The following PBX1 variants were observed in gnomAD, a reference collection of about 807,000 sequenced individuals.
PBX1 encodes the protein pre-B-cell leukemia transcription factor 1.
PBX1 carries 6 observed loss-of-function variants against 53.4 expected under a neutral mutation model. The observed-to-expected ratio is 0.11, with a 90% CI of 0.06 to 0.22. The LOEUF (loss-of-function observed/expected upper bound fraction) is 0.22. Ranked by LOEUF, PBX1 falls within the 10% of genes least tolerant of loss-of-function variation. The probability of loss-of-function intolerance (pLI) is 1.00; values close to 1 mark genes in which losing one functional copy is unlikely to be tolerated. For synonymous variants in PBX1, 204 were observed against 212.3 expected (o/e 0.96, Z 0.34); for missense variants, 251 against 551.4 (o/e 0.46, Z 5.46).
chr1:164,736,520 G>T (rs1464098372), intron 2 of PBX1, among the ~76,000 whole-genome samples: 2 of 151,922 alleles, frequency 1.3e-5, no homozygotes, highest in Non-Finnish European at 2.9e-5. Flanking sequence ...TTTTCTCTGA[G>T]AAAAATTCAT....
intron 3 of PBX1, among the ~76,000 whole-genome samples, chr1:164,799,144 A>G (rs576712702): frequency 5.7e-4 from 87 of 152,020 alleles, no homozygotes; most frequent in Non-Finnish European, 9.6e-4. Flanking sequence ...AAATCATGGG[A>G]AAAAAAAGAT....
chr1:164,668,576 C>T (rs1660943491), intron 2 of PBX1, among the ~76,000 whole-genome samples: 2 of 151,946 alleles, frequency 1.3e-5, no homozygotes, highest in South Asian at 2.1e-4. Flanking sequence ...CTGCCAAAAT[C>T]ACTTGGCCAC....
intron 2 of PBX1, among the ~76,000 whole-genome samples, chr1:164,791,935 C>T (rs1448994467): frequency 6.6e-6 from 1 of 152,048 alleles, no homozygotes; most frequent in African/African-American, 2.4e-5. Context: ...AGGGATTCCC[C>T]TGCCTCAGCC....
chr1:164,806,471 G>T (rs1402247355), intron 4 of PBX1, among the ~76,000 whole-genome samples: 1 of 152,148 alleles, frequency 6.6e-6, no homozygotes, highest in Non-Finnish European at 1.5e-5. Context: ...CTCTTCCCCA[G>T]ATGCCTTTTA....
chr1:164,705,001 C>G (rs1483017669), intron 2 of PBX1, among the ~76,000 whole-genome samples: 1 of 152,208 alleles, frequency 6.6e-6, no homozygotes, highest in Non-Finnish European at 1.5e-5. Flanking sequence ...TGAGGGAAAT[C>G]ATTTGAGAAA....
intron 2 of PBX1, among the ~76,000 whole-genome samples, chr1:164,664,743 A>G (rs112994305): frequency 0.052 from 7,970 of 152,288 alleles, 221 homozygotes; most frequent in Middle Eastern, 0.099. Context: ...GAAGGCAAGG[A>G]GGAGCAAGTC....
rs140401090 is a variant in PBX1, at chr1:164,571,181, T to C, written c.265+7870T>C. Among the ~76,000 whole-genome samples the C allele has an allele frequency of 7.2e-3, 1,099 of 152,372 alleles. 22 individuals carry two copies. The highest frequency in any genetic ancestry group is 0.025 in the African/African-American group (1,033 of 41,590). On this transcript the variant is annotated intron_variant, in intron 2 of 8. Coordinates refer to ENST00000420696, the MANE Select transcript of PBX1 (RefSeq NM_002585.4). ...TTATTTTTATAGCTTTCTTGAAATA[T>C]ATTTCTAACACCATGAAATTCACCC...
At chr1:164,776,978 A>AGATGGGGGGTGTGGGGGGGATG (rs1553244687) in intron 2 of PBX1, among the ~76,000 whole-genome samples, 1 of 46,444 alleles carries the variant, frequency 2.2e-5, no homozygotes, top group South Asian at 9.2e-4. Flanking sequence ...AGAGAGAGAG[A>AGATGGGGGGTGTGGGGGGGATG]GGAGGTGTGG....
At chr1:164,747,948 T>G (rs556952125) in intron 2 of PBX1, among the ~76,000 whole-genome samples, 36 of 152,202 alleles carry the variant, frequency 2.4e-4, no homozygotes, top group Non-Finnish European at 4.3e-4. Flanking sequence ...ACACAAATCA[T>G]GAGTATGCAT....
intron 2 of PBX1, among the ~76,000 whole-genome samples, chr1:164,767,511 A>G (rs564035620): frequency 6.6e-6 from 1 of 152,224 alleles, no homozygotes; most frequent in Admixed American, 6.5e-5. Context: ...TCTGCGTCCA[A>G]CTGCACTCTA....
intron 2 of PBX1, chr1:164,700,448 A>C (rs1557951500): frequency 4.1e-6 from 4 of 985,018 alleles, no homozygotes; most frequent in Non-Finnish European, 4.8e-6. Context: ...TACGTAGGGG[A>C]GGAGATTCAT....
chr1:164,869,549 C>T (rs1303759491), intron 2 of PBX1, among the ~76,000 whole-genome samples: 4 of 152,154 alleles, frequency 2.6e-5, no homozygotes, highest in Non-Finnish European at 5.9e-5. Context: ...GAGAGTTTAC[C>T]GAGCACCTTC....
At chr1:164,858,194 A>G (rs1672017415) in intron 2 of PBX1, among the ~76,000 whole-genome samples, 1 of 152,114 alleles carries the variant, frequency 6.6e-6, no homozygotes, top group South Asian at 2.1e-4. Flanking sequence ...TTTTGTTTAC[A>G]AAAATTACAA....
At position 164,613,077 on chromosome 1, in the gene PBX1, A is replaced by G. The variant is rs148585047; in HGVS notation, c.265+49766A>G. ...CAACAACAAAAAAACCCTTCTAGAA[A>G]TATTTTTACAAATTATGAATGTATT... On this transcript the variant is annotated intron_variant, in intron 2 of 8. Transcript: ENST00000420696. 4.0e-3 allele frequency among the ~76,000 whole-genome samples: 607 copies of G among 151,294 alleles called. 10 individuals are homozygous for G. The highest frequency in any genetic ancestry group is 0.039 in the East Asian group (201 of 5,184).
intron 2 of PBX1, among the ~76,000 whole-genome samples, chr1:164,567,175 T>C (rs1653491870): frequency 6.6e-6 from 1 of 152,186 alleles, no homozygotes; most frequent in Admixed American, 6.5e-5. Flanking sequence ...TGTGTCTATG[T>C]ATATGTGTGT....
chr1:164,599,348 T>G (rs2101795549), intron 2 of PBX1, among the ~76,000 whole-genome samples: 1 of 152,294 alleles, frequency 6.6e-6, no homozygotes, highest in African/African-American at 2.4e-5. Context: ...CGTCTTCTAC[T>G]GCTCAGCCAC....
intron 2 of PBX1, among the ~76,000 whole-genome samples, chr1:164,671,784 G>A (rs899078067): frequency 6.6e-6 from 1 of 152,018 alleles, no homozygotes; most frequent in Non-Finnish European, 1.5e-5. Context: ...TTGGAATGAG[G>A]GTTTTGTGTG....
At chr1:164,805,356 T>G (rs58373355) in intron 4 of PBX1, among the ~76,000 whole-genome samples, 3,107 of 152,222 alleles carry the variant, frequency 0.02, 91 homozygotes, top group African/African-American at 0.061. Flanking sequence ...ATCCTGATCC[T>G]AGGATTTCAA....
intron 2 of PBX1, among the ~76,000 whole-genome samples, chr1:164,739,356 G>A (rs1382177834): frequency 6.6e-6 from 1 of 151,968 alleles, no homozygotes; most frequent in African/African-American, 2.4e-5. Flanking sequence ...TTTCCACCTC[G>A]GCTGCTGATG....
Sources: gnomAD v4.1 joint callset for allele counts (sites outside exome capture counted in the v4.1 genomes callset) on GRCh38, gnomAD v4.1.1 for gene constraint, MANE v1.5 for transcripts, NCBI Gene and HGNC (gene_info 2026-07-23, HGNC 2026-07-21) for gene names.